The following KCNK13 variants were observed in gnomAD, a reference collection of about 807,000 sequenced individuals.
KCNK13 encodes potassium channel subfamily K member 13.
In KCNK13, 12 loss-of-function variants were observed where a neutral mutation model predicts 23.4. The ratio of observed to expected loss-of-function variants is 0.51; its 90% CI spans 0.33 to 0.83. The LOEUF (loss-of-function observed/expected upper bound fraction) is 0.83, where lower values mean the gene tolerates loss of function less well. Ranked by LOEUF, KCNK13 falls within the 40% of genes least tolerant of loss-of-function variation. The probability of loss-of-function intolerance (pLI) is 0.02; values close to 1 mark genes in which losing one functional copy is unlikely to be tolerated. For missense variants in KCNK13, 463 were observed against 556.3 expected, an observed-to-expected ratio of 0.83 and a Z score of 1.69; for synonymous variants, 231 against 229.5, an observed-to-expected ratio of 1.01 and a Z score of -0.06.
At chr14:90,100,095 G>A (rs1055307069) in intron 1 of KCNK13, among the ~76,000 whole-genome samples, 5 of 152,218 alleles carry the variant, frequency 3.3e-5, no homozygotes, top group Non-Finnish European at 7.3e-5. Context: ...GTGTTAGGAA[G>A]TACCGAGGGG....
At chr14:90,183,959 GT>G in intron 1 of KCNK13, 151 bp from the exon 2 acceptor site, 1 of 688,542 alleles carries the variant, frequency 1.5e-6, no homozygotes, top group East Asian at 2.7e-5. Context: ...TCAAAAGCAG[GT>G]GAGAATTCTC....
At chr14:90,065,205 A>G (rs184304275) in intron 1 of KCNK13, among the ~76,000 whole-genome samples, 97 of 152,338 alleles carry the variant, frequency 6.4e-4, no homozygotes, top group Admixed American at 5.6e-3. Flanking sequence ...GTAACATTAC[A>G]TGATGGTGTT....
At chr14:90,113,907 T>C (rs577675311) in intron 1 of KCNK13, among the ~76,000 whole-genome samples, 1 of 151,880 alleles carries the variant, frequency 6.6e-6, no homozygotes, top group African/African-American at 2.4e-5. Flanking sequence ...AACTCCAGCC[T>C]GGAGGACAGA....
At position 90,185,198 on chromosome 14, in the gene KCNK13, G is replaced by C; in HGVS notation, c.*195G>C. 1 of 519,844 alleles carries C rather than the reference G, an allele frequency of 1.9e-6. No individual in the cohort carries two copies. The highest frequency in any genetic ancestry group is 3.4e-6 in the Non-Finnish European group (1 of 296,710). 32.2% of individuals were successfully genotyped at this position (519,844 alleles called of 1,614,324 possible). A position where few individuals can be genotyped will look rare whatever the true frequency, so the allele number is the denominator to read the frequency against. The stretch of plus-strand genomic sequence containing the variant: ...CCAGGGATGGGGGGCCTGAAGCCTC[G>C]ATGCTTGTCTCCTGATCCTTATTCT... On this transcript the variant is annotated 3_prime_UTR_variant, in exon 2 of 2. Coordinates refer to ENST00000282146, the MANE Select transcript of KCNK13 (RefSeq NM_022054.4).
intron 1 of KCNK13, among the ~76,000 whole-genome samples, chr14:90,072,753 A>G (rs2140390119): frequency 6.6e-6 from 1 of 152,272 alleles, no homozygotes; most frequent in South Asian, 2.1e-4. Flanking sequence ...GCTTTTTCAC[A>G]TTATTTCCTA....
At chr14:90,167,092 A>C (rs940177139) in intron 1 of KCNK13, among the ~76,000 whole-genome samples, 5 of 152,144 alleles carry the variant, frequency 3.3e-5, no homozygotes, top group Admixed American at 1.3e-4. Context: ...AAGGGGGATG[A>C]AGGGTTCCCA....
chr14:90,139,048 G>A (rs1335293671), intron 1 of KCNK13, among the ~76,000 whole-genome samples: 2 of 152,168 alleles, frequency 1.3e-5, no homozygotes, highest in Non-Finnish European at 2.9e-5. Flanking sequence ...GGGCTCAGAA[G>A]GCTCTAGAAG....
rs560820764 is a variant in KCNK13 at position 90,095,561 on chromosome 14, T to C, written c.334+33022T>C. On this transcript the variant is annotated intron_variant, in intron 1 of 1. Transcript: ENST00000282146. ...GAAGGGCCTCTTTTTTCTTTTTCCC[T>C]ACTAAGTTAGAGCAGTTATTCTCAA... is the stretch of plus-strand genomic sequence containing the variant. Among the ~76,000 whole-genome samples the C allele has an allele frequency of 2.0e-5, 3 of 152,316 alleles. No homozygotes were observed. The South Asian group carries it at 6.2e-4, about 32-fold the overall frequency.
chr14:90,062,274 G>A lies in KCNK13; in HGVS notation c.69G>A (p.Leu23=). The A allele has an allele frequency of 6.4e-7, 1 of 1,561,792 alleles. No homozygotes were observed. Among genetic ancestry groups the A allele is most frequent in the Non-Finnish European group, 8.6e-7 (1 of 1,163,498 alleles). The part of the protein sequence containing the change: ...LNEDNARFLL[L]AALIVLYLLG... ...AGGACAACGCGCGCTTTCTGCTGCTGGCCGCGCTCATCGTGCTCTACCTGC... is the reference window on the plus strand; with the variant it reads ...AGGACAACGCGCGCTTTCTGCTGCTAGCCGCGCTCATCGTGCTCTACCTGC... The change falls in exon 1 of 2, where the codon CTG becomes CTA. Residue 23 remains leucine (L), a synonymous_variant. Coordinates refer to ENST00000282146, the MANE Select transcript of KCNK13 (RefSeq NM_022054.4). The surrounding 1 kb of genome is among the most constrained non-coding windows in gnomAD (Gnocchi z 4.5).
chr14:90,155,460 T>G (rs1890183362), intron 1 of KCNK13, among the ~76,000 whole-genome samples: 1 of 152,098 alleles, frequency 6.6e-6, no homozygotes, highest in African/African-American at 2.4e-5. Context: ...ACGGGGTGTG[T>G]GATCTGACTT....
At chr14:90,175,665 A>G (rs931307190) in intron 1 of KCNK13, among the ~76,000 whole-genome samples, 3 of 152,198 alleles carry the variant, frequency 2.0e-5, no homozygotes, top group Admixed American at 1.3e-4. Flanking sequence ...GACAGAAGAT[A>G]TTTCATTATC....
intron 1 of KCNK13, among the ~76,000 whole-genome samples, chr14:90,118,553 C>G (rs1387987059): frequency 6.6e-6 from 1 of 152,108 alleles, no homozygotes; most frequent in Non-Finnish European, 1.5e-5. Flanking sequence ...ATGAATAGTG[C>G]TGCTATGGAC....
At chr14:90,160,880 T>C (rs1890246001) in intron 1 of KCNK13, among the ~76,000 whole-genome samples, 2 of 151,318 alleles carry the variant, frequency 1.3e-5, no homozygotes, top group African/African-American at 4.9e-5. Flanking sequence ...GAAAGAAATG[T>C]AATACCTTTC....
chr14:90,150,199 CGAGGTACA>C (rs1182998974), intron 1 of KCNK13, among the ~76,000 whole-genome samples: 1 of 152,086 alleles, frequency 6.6e-6, no homozygotes, highest in Non-Finnish European at 1.5e-5. Context: ...CATCTCAGGC[CGAGGTACA>C]GAAGCTGGAG....
chr14:90,173,929 A>C lies in KCNK13; in HGVS notation c.335-10182A>C, dbSNP rs141940035. On this transcript the variant is annotated intron_variant, in intron 1 of 1. Transcript: ENST00000282146. The stretch of plus-strand genomic sequence containing the variant: ...GGCTGAGAAGGCCTCAGGAAACTTA[A>C]AATCATGGCAGAAGGGGAAGCAGGC... Among the ~76,000 whole-genome samples, 966 of 152,288 alleles carry C rather than the reference A, an allele frequency of 6.3e-3. 7 individuals are homozygous for C. Among genetic ancestry groups the C allele is most frequent in the African/African-American group, 0.022 (932 of 41,550 alleles).
At chr14:90,148,494 G>A (rs1338142315) in intron 1 of KCNK13, among the ~76,000 whole-genome samples, 1 of 152,212 alleles carries the variant, frequency 6.6e-6, no homozygotes, top group East Asian at 1.9e-4. Flanking sequence ...TCTGCCAGGA[G>A]AAGCTGAGCA....
intron 1 of KCNK13, among the ~76,000 whole-genome samples, chr14:90,070,601 G>T (rs59263464): frequency 0.11 from 16,500 of 152,078 alleles, 1,034 homozygotes; most frequent in East Asian, 0.21. Flanking sequence ...ATTCAGTTTC[G>T]TATTTCAGTC....
At chr14:90,179,534 A>G (rs1890462147) in intron 1 of KCNK13, among the ~76,000 whole-genome samples, 1 of 152,166 alleles carries the variant, frequency 6.6e-6, no homozygotes, top group African/African-American at 2.4e-5. Flanking sequence ...TGCCCCAGAA[A>G]TTACAAGCAC....
chr14:90,085,781 A>T (rs1200901767), intron 1 of KCNK13, among the ~76,000 whole-genome samples: 3 of 105,140 alleles, frequency 2.9e-5, no homozygotes, highest in Admixed American at 2.1e-4. Context: ...TATATATATT[A>T]TATATTATAT....
Sources: allele counts gnomAD v4.1 joint callset (sites outside exome capture counted in the v4.1 genomes callset), GRCh38; gene constraint gnomAD v4.1.1; non-coding constraint Gnocchi (gnomAD v3.1); transcripts MANE v1.5; gene names NCBI Gene and HGNC (gene_info 2026-07-23, HGNC 2026-07-21).